Variants in MTSS1 observed in about 807,000 individuals in gnomAD.
The protein encoded by MTSS1 is protein MTSS 1.
MTSS1 carries 18 observed loss-of-function variants against 79.0 expected under a neutral mutation model. The observed-to-expected ratio is 0.23, with a 90% CI of 0.16 to 0.34. The LOEUF (loss-of-function observed/expected upper bound fraction) is 0.34. Among genes scored for constraint, MTSS1 ranks in the 10% least tolerant of loss-of-function variants. The pLI is 1.00. For synonymous variants in MTSS1, 341 were observed against 368.6 expected (o/e 0.93, Z 0.86); for missense variants, 815 against 986.2 (o/e 0.83, Z 2.33).
chr8:124,647,098 C>T (rs117032612), intron 3 of MTSS1, among the ~76,000 whole-genome samples: 11,082 of 152,268 alleles, frequency 0.073, 426 homozygotes, highest in Middle Eastern at 0.095. Flanking sequence ...GATCCTCCCG[C>T]CTCAGCTTCC....
rs545552473 is a variant in MTSS1, at chr8:124,604,107, G to C, written c.209-12872C>G. On this transcript the variant is annotated intron_variant, in intron 3 of 13. Coordinates refer to ENST00000518547, the MANE Select transcript of MTSS1 (RefSeq NM_014751.6). ...AGGCGCCTGTAATCCCAGCTACTCA[G>C]GAAGCTGAGGCAGGAAAATCGCTTG... Among the ~76,000 whole-genome samples, 62 of 152,288 alleles carry C rather than the reference G, an allele frequency of 4.1e-4. 5 individuals carry two copies. The South Asian group carries it at 0.012, about 31-fold the overall frequency.
chr8:124,643,827 A>G (rs1181487384), intron 3 of MTSS1, among the ~76,000 whole-genome samples: 1 of 152,178 alleles, frequency 6.6e-6, no homozygotes, highest in African/African-American at 2.4e-5. Context: ...GTACAACAAA[A>G]TACTACATTA....
intron 3 of MTSS1, among the ~76,000 whole-genome samples, chr8:124,620,467 G>A (rs1357601153): frequency 1.3e-5 from 2 of 152,162 alleles, no homozygotes; most frequent in Admixed American, 1.3e-4. Flanking sequence ...ACTCCCAAGG[G>A]TGTCTAGCAA....
chr8:124,640,390 AG>A (rs1817805258), intron 3 of MTSS1, among the ~76,000 whole-genome samples: 1 of 152,232 alleles, frequency 6.6e-6, no homozygotes, highest in Non-Finnish European at 1.5e-5. Context: ...TGAAGGGCCA[AG>A]GCCTTCTCTT....
intron 3 of MTSS1, among the ~76,000 whole-genome samples, chr8:124,645,485 G>A (rs1445110676): frequency 6.6e-6 from 1 of 152,140 alleles, no homozygotes; most frequent in African/African-American, 2.4e-5. Context: ...CCCTATCAAT[G>A]GCAAAAATCT....
intron 3 of MTSS1, among the ~76,000 whole-genome samples, chr8:124,644,378 T>A (rs1205364806): frequency 6.6e-6 from 1 of 152,218 alleles, no homozygotes; most frequent in Non-Finnish European, 1.5e-5. Flanking sequence ...GAATGCTCAT[T>A]CTCTAAGAAA....
At chr8:124,671,233 C>T (rs531466054) in intron 3 of MTSS1, among the ~76,000 whole-genome samples, 47 of 152,176 alleles carry the variant, frequency 3.1e-4, no homozygotes, top group African/African-American at 9.6e-4. Flanking sequence ...AGCCCTCCTC[C>T]AGAATCAAAT....
In MTSS1 at chr8:124,565,741, C is replaced by G; in HGVS notation, c.745G>C (p.Gly249Arg). The G allele has an allele frequency of 6.2e-7, 1 of 1,613,940 alleles. No individual in the cohort carries two copies. The highest frequency in any genetic ancestry group is 1.1e-5 in the South Asian group (1 of 91,066). ...SSEQVILDLK[G>R]SDYSWSYQTP... ...TGATACGACCAGCTGTAATCAGAAC[C>G]TTTCAAGTCCAGAATCACCTAAGGG... Residue 249 changes from glycine (G) to arginine (R), a missense_variant, in exon 9 of 14, where the codon GGT becomes CGT. By Grantham distance (125) the Gly-to-Arg change is moderately radical (BLOSUM62 -2). Transcript: ENST00000518547.
At chr8:124,665,400 G>A (rs764302623) in intron 3 of MTSS1, among the ~76,000 whole-genome samples, 6 of 152,128 alleles carry the variant, frequency 3.9e-5, no homozygotes, top group Non-Finnish European at 5.9e-5. Context: ...TCACCCACTC[G>A]CTCAGTCTCA....
In MTSS1 at chr8:124,553,384, G is replaced by A. The variant is rs1313197028; in HGVS notation, c.1876C>T (p.Leu626Phe). The part of the protein sequence containing the change: ...IPVKTPTVPD[L>F]PGVLPAPPDG... ...GGAGGGGCTGGCAACACCCCTGGGAGGTCTGGGACGGTTGGGGTCTTGACA... is the reference window on the plus strand; with the variant it reads ...GGAGGGGCTGGCAACACCCCTGGGAAGTCTGGGACGGTTGGGGTCTTGACA... Residue 626 changes from leucine (L) to phenylalanine (F), a missense_variant, in exon 14 of 14, where the codon CTC (leucine) becomes TTC (phenylalanine). This residue lies in a region of MTSS1 where 590 missense variants were observed against 620.8 expected (regional missense o/e 0.95). Transcript: ENST00000518547. The surrounding 1 kb of genome is among the most constrained non-coding windows in gnomAD (Gnocchi z 6.0). 2 of 1,609,296 alleles carry A rather than the reference G, an allele frequency of 1.2e-6. No individual in the cohort carries two copies. The highest frequency in any genetic ancestry group is 2.7e-5 in the African/African-American group (2 of 74,830).
intron 3 of MTSS1, among the ~76,000 whole-genome samples, chr8:124,645,221 A>T (rs1322774737): frequency 6.6e-6 from 1 of 152,032 alleles, no homozygotes; most frequent in African/African-American, 2.4e-5. Context: ...ACAAAAACAA[A>T]AACGAAAAAA....
In MTSS1 at chr8:124,563,085, G is replaced by A. The variant is rs1825692171; in HGVS notation, c.825-93C>T. On this transcript the variant is annotated intron_variant, in intron 9 of 13. Coordinates refer to ENST00000518547, the MANE Select transcript of MTSS1 (RefSeq NM_014751.6). ...AAGGAGGAAGGAGGGGAACAGATGA[G>A]GCAGAAGAGAGAGAAGCACAACATA... 2.8e-6 allele frequency: 3 copies of A among 1,068,992 alleles called. No homozygotes were observed. The East Asian group carries it at 7.8e-5, about 28-fold the overall frequency. The allele number at this position is 1,068,992 out of a possible 1,614,324, so 66.2% of individuals were successfully genotyped here.
chr8:124,661,970 C>T (rs7464048), intron 3 of MTSS1, among the ~76,000 whole-genome samples: 1 of 152,146 alleles, frequency 6.6e-6, no homozygotes, highest in South Asian at 2.1e-4. Flanking sequence ...TCTCACCCAT[C>T]CATGAACACC....
At chr8:124,679,070 C>CAA (rs1386427076) in intron 3 of MTSS1, among the ~76,000 whole-genome samples, 7 of 152,184 alleles carry the variant, frequency 4.6e-5, no homozygotes. Flanking sequence ...TTCTCTGGTC[C>CAA]ACAGCAAGTG....
chr8:124,591,469 C>T lies in MTSS1; in HGVS notation c.209-234G>A, dbSNP rs1425471770. Among the ~76,000 whole-genome samples, 5 of 152,376 alleles carry T rather than the reference C, an allele frequency of 3.3e-5. No individual in the cohort carries two copies. The South Asian group carries it at 1.0e-3, about 32-fold the overall frequency. ...AAACTATCACCAAAGGCTGCTCCTACTATATACCACACTCTGTTAGTTTCT... is the reference window on the plus strand; with the variant it reads ...AAACTATCACCAAAGGCTGCTCCTATTATATACCACACTCTGTTAGTTTCT... On this transcript the variant is annotated intron_variant, in intron 3 of 13. Coordinates refer to ENST00000518547, the MANE Select transcript of MTSS1 (RefSeq NM_014751.6).
chr8:124,651,883 T>TC (rs1215899348), intron 3 of MTSS1, among the ~76,000 whole-genome samples: 1 of 152,108 alleles, frequency 6.6e-6, no homozygotes, highest in Admixed American at 6.5e-5. Context: ...TTGGGTCCTC[T>TC]CCCAGACCCC....
chr8:124,642,006 G>A (rs1818145342), intron 3 of MTSS1, among the ~76,000 whole-genome samples: 2 of 151,808 alleles, frequency 1.3e-5, no homozygotes, highest in South Asian at 4.1e-4. Context: ...GCTAAATCCA[G>A]CAAAAAGATA....
At chr8:124,675,765 G>A (rs1469417056) in intron 3 of MTSS1, among the ~76,000 whole-genome samples, 1 of 152,224 alleles carries the variant, frequency 6.6e-6, no homozygotes, top group Non-Finnish European at 1.5e-5. Flanking sequence ...GAGACCTCTT[G>A]TCTCTTGACT....
chr8:124,598,091 C>T (rs567874560), intron 3 of MTSS1, among the ~76,000 whole-genome samples: 1 of 152,102 alleles, frequency 6.6e-6, no homozygotes, highest in Non-Finnish European at 1.5e-5. Context: ...TTAAGCGATA[C>T]CAACTAGCAA....
Sources: gnomAD v4.1 joint callset for allele counts (sites outside exome capture counted in the v4.1 genomes callset) on GRCh38, gnomAD v4.1.1 for gene constraint, gnomAD v4.1.1 regional missense constraint, Gnocchi (gnomAD v3.1) non-coding constraint, MANE v1.5 for transcripts, NCBI Gene and HGNC (gene_info 2026-07-23, HGNC 2026-07-21) for gene names.